The following SDHAF3 variants were observed in gnomAD, a reference collection of about 807,000 sequenced individuals.
SDHAF3 encodes succinate dehydrogenase complex assembly factor 3.
In SDHAF3, 18 loss-of-function variants were observed where a neutral mutation model predicts 11.5. The observed-to-expected ratio is 1.56, with a 90% confidence interval of 1.08 to 2.32. The LOEUF is 2.32. SDHAF3 is among the 30% of genes most tolerant of loss of function. SDHAF3 has a pLI of 0.00. For synonymous variants in SDHAF3, 72 were observed against 59.3 expected (o/e 1.21, Z -0.99); for missense variants, 200 against 154.4 (o/e 1.30, Z -1.57).
rs997632151 is a variant in SDHAF3, at chr7:97,135,076, T to C, written c.174+17179T>C. 4.0e-3 allele frequency: 611 copies of C among 151,406 alleles called. 4 individuals are homozygous for C. Among genetic ancestry groups the C allele is most frequent in the African/African-American group, 0.012 (474 of 41,098 alleles). The allele number at this position is 151,406 out of a possible 1,614,324, so 9.4% of individuals were successfully genotyped here. A position where few individuals can be genotyped will look rare whatever the true frequency, so the allele number is the denominator to read the frequency against. Reference sequence around the variant, plus strand: ...TCATCCTACTCCTCTTTTTTTTTTTTCCCCCCAAGGAACTTTAGCTTTCTC... The same window carrying C: ...TCATCCTACTCCTCTTTTTTTTTTTCCCCCCCAAGGAACTTTAGCTTTCTC... On this transcript the variant is annotated intron_variant, in intron 1 of 1. Coordinates refer to ENST00000432641, the MANE Select transcript of SDHAF3 (RefSeq NM_020186.3).
At chr7:97,136,167 A>G (rs535650337) in intron 1 of SDHAF3, among the ~76,000 whole-genome samples, 1 of 152,314 alleles carries the variant, frequency 6.6e-6, no homozygotes, top group Non-Finnish European at 1.5e-5. Context: ...CTGAAGCTTG[A>G]TACTCTTATA....
Position 97,161,572 on chromosome 7 carries a change from A to G in SDHAF3, c.175-19440A>G, listed in dbSNP as rs550111570. On this transcript the variant is annotated intron_variant, in intron 1 of 1. Transcript: ENST00000432641. ...TACATTAGGTATTTCTCCTAATGCT[A>G]TCCCTCCCCTAGCCCCCCTCACCCT... Among the ~76,000 whole-genome samples the G allele has an allele frequency of 4.1e-4, 62 of 152,106 alleles. 1 individual carries two copies. In the South Asian group the frequency reaches 0.013, roughly 31 times the overall value.
At chr7:97,166,480 G>A (rs541811373) in intron 1 of SDHAF3, among the ~76,000 whole-genome samples, 1 of 152,266 alleles carries the variant, frequency 6.6e-6, no homozygotes, top group Admixed American at 6.5e-5. Flanking sequence ...TTAAGATAAG[G>A]GGTTGTGGAG....
chr7:97,160,642 A>C (rs891141760), intron 1 of SDHAF3, among the ~76,000 whole-genome samples: 7 of 152,206 alleles, frequency 4.6e-5, no homozygotes, highest in African/African-American at 1.7e-4. Flanking sequence ...GCCAATGGAA[A>C]AGTGTCCAAA....
intron 1 of SDHAF3, among the ~76,000 whole-genome samples, chr7:97,139,503 G>T (rs1288568486): frequency 1.3e-5 from 2 of 152,204 alleles, no homozygotes; most frequent in Non-Finnish European, 2.9e-5. Flanking sequence ...TAGGTGAAGG[G>T]TGAGGATCAA....
intron 1 of SDHAF3, among the ~76,000 whole-genome samples, chr7:97,128,095 A>G (rs564090448): frequency 6.6e-6 from 1 of 151,976 alleles, no homozygotes; most frequent in South Asian, 2.1e-4. Flanking sequence ...ATGGGGTTTC[A>G]CCATGTTGGC....
intron 1 of SDHAF3, among the ~76,000 whole-genome samples, chr7:97,160,774 G>A (rs963270941): frequency 6.6e-6 from 1 of 152,318 alleles, no homozygotes; most frequent in South Asian, 2.1e-4. Flanking sequence ...GTGTATTGGT[G>A]GAAGGAATGA....
intron 1 of SDHAF3, chr7:97,136,291 G>T: frequency 2.1e-6 from 1 of 484,584 alleles, no homozygotes. Flanking sequence ...AATTAAAAGA[G>T]TTCTTTTGTG....
chr7:97,155,067 A>G (rs995567112), intron 1 of SDHAF3, among the ~76,000 whole-genome samples: 1 of 152,188 alleles, frequency 6.6e-6, no homozygotes, highest in Non-Finnish European at 1.5e-5. Flanking sequence ...CACTTAATTC[A>G]TCTATTTCAA....
intron 1 of SDHAF3, among the ~76,000 whole-genome samples, chr7:97,134,527 A>G (rs1337461428): frequency 6.6e-6 from 1 of 151,978 alleles, no homozygotes; most frequent in Non-Finnish European, 1.5e-5. Context: ...GCTCACTGCA[A>G]CCTCCACCTC....
At chr7:97,144,717 C>T (rs1789109079) in intron 1 of SDHAF3, among the ~76,000 whole-genome samples, 2 of 152,028 alleles carry the variant, frequency 1.3e-5, no homozygotes, top group African/African-American at 4.8e-5. Flanking sequence ...TGACTGTGGT[C>T]TCACAGTTTG....
chr7:97,159,515 AG>A (rs1328649568), intron 1 of SDHAF3, among the ~76,000 whole-genome samples: 7 of 152,216 alleles, frequency 4.6e-5, no homozygotes, highest in African/African-American at 1.7e-4. Flanking sequence ...CCCTCAGCAC[AG>A]GGAGAGTTCT....
At chr7:97,165,281 C>T (rs547879615) in intron 1 of SDHAF3, among the ~76,000 whole-genome samples, 19 of 150,780 alleles carry the variant, frequency 1.3e-4, no homozygotes, top group African/African-American at 2.7e-4. Flanking sequence ...AGCAAGACTC[C>T]GTCTCAAAGA....
chr7:97,117,874 CA>C lies in SDHAF3; in HGVS notation c.152del (p.Gln51ArgfsTer54). On this transcript the variant is annotated frameshift_variant, in exon 1 of 2. Coordinates refer to ENST00000432641, the MANE Select transcript of SDHAF3 (RefSeq NM_020186.3). LOFTEE classifies it high-confidence loss of function. ...TAAGACCGTTGGTTCTGACGAGGCACAGCGTTTCTTGCAAGAATGGGAGGCA... is the reference window on the plus strand; with the variant it reads ...TAAGACCGTTGGTTCTGACGAGGCACGCGTTTCTTGCAAGAATGGGAGGCA... ...RHKTVGSDEA[Q>X]RFLQEWEVYA... The C allele has an allele frequency of 6.2e-7, 1 of 1,614,186 alleles. No homozygotes were observed. The highest frequency in any genetic ancestry group is 1.1e-5 in the South Asian group (1 of 91,084).
At chr7:97,145,443 A>G (rs976555283) in intron 1 of SDHAF3, among the ~76,000 whole-genome samples, 5 of 152,096 alleles carry the variant, frequency 3.3e-5, no homozygotes, top group East Asian at 1.9e-4. Flanking sequence ...TATTTTTTCT[A>G]CTATATACAA....
intron 1 of SDHAF3, among the ~76,000 whole-genome samples, chr7:97,165,791 A>G (rs1789494744): frequency 1.3e-5 from 2 of 152,232 alleles, no homozygotes; most frequent in Admixed American, 1.3e-4. Context: ...TTGTGAATAC[A>G]GGTTTTAGCT....
intron 1 of SDHAF3, among the ~76,000 whole-genome samples, chr7:97,131,971 A>G (rs940796177): frequency 6.6e-6 from 1 of 152,206 alleles, no homozygotes; most frequent in Non-Finnish European, 1.5e-5. Context: ...ATAACATGGA[A>G]AAACTGTAAC....
At chr7:97,155,286 C>T (rs1789285139) in intron 1 of SDHAF3, among the ~76,000 whole-genome samples, 1 of 152,044 alleles carries the variant, frequency 6.6e-6, no homozygotes, top group African/African-American at 2.4e-5. Flanking sequence ...GAATTGAGTT[C>T]CTCATTCAGT....
chr7:97,173,223 T>C (rs1438453454), intron 1 of SDHAF3, among the ~76,000 whole-genome samples: 1 of 152,208 alleles, frequency 6.6e-6, no homozygotes, highest in East Asian at 1.9e-4. Flanking sequence ...TAGTTGAAAG[T>C]GAGAAGTTAT....
Sources: gnomAD v4.1 joint callset for allele counts (sites outside exome capture counted in the v4.1 genomes callset) on GRCh38, gnomAD v4.1.1 for gene constraint, MANE v1.5 for transcripts, NCBI Gene and HGNC (gene_info 2026-07-23, HGNC 2026-07-21) for gene names.